RBM19: variants seen among roughly 807,000 people sequenced by gnomAD.
RBM19 encodes the protein probable RNA-binding protein 19.
In RBM19, 94 loss-of-function variants were observed where a neutral mutation model predicts 116.8. The observed-to-expected ratio is 0.80, with a 90% CI of 0.68 to 0.95. The LOEUF (loss-of-function observed/expected upper bound fraction) is 0.95. Among genes scored for constraint, RBM19 ranks in the 40% least tolerant of loss-of-function variants. The probability of loss-of-function intolerance (pLI) is 0.00; values close to 1 mark genes in which losing one functional copy is unlikely to be tolerated. For missense variants in RBM19, 1,161 were observed against 1,220.7 expected (o/e 0.95, Z 0.73); for synonymous variants, 475 against 494.1 (o/e 0.96, Z 0.51).
At chr12:113,936,141 G>T (rs371986369) in intron 16 of RBM19, among the ~76,000 whole-genome samples, 1 of 151,808 alleles carries the variant, frequency 6.6e-6, no homozygotes, top group Non-Finnish European at 1.5e-5. Flanking sequence ...GAACAAAGGA[G>T]AGAGTAGCTG....
chr12:113,855,850 G>C (rs11614425), intron 22 of RBM19, among the ~76,000 whole-genome samples: 19,937 of 152,244 alleles, frequency 0.13, 1,293 homozygotes, highest in African/African-American at 0.14. Flanking sequence ...ATGCAGTGTG[G>C]ACGATTCTAC....
At chr12:113,849,449 C>G (rs1565973499) in intron 22 of RBM19, among the ~76,000 whole-genome samples, 1 of 152,252 alleles carries the variant, frequency 6.6e-6, no homozygotes, top group Non-Finnish European at 1.5e-5. Flanking sequence ...CTTCAAACCC[C>G]TGCACTTTAT....
intron 16 of RBM19, among the ~76,000 whole-genome samples, chr12:113,936,634 G>A (rs1184558257): frequency 6.6e-6 from 1 of 152,150 alleles, no homozygotes; most frequent in African/African-American, 2.4e-5. Context: ...GACATCAGAG[G>A]GCACTGCCAC....
At chr12:113,939,569 G>A (rs1870364528) in intron 15 of RBM19, among the ~76,000 whole-genome samples, 1 of 151,730 alleles carries the variant, frequency 6.6e-6, no homozygotes, top group South Asian at 2.1e-4. Flanking sequence ...TGAACACGGT[G>A]AAACCCCGTC....
intron 23 of RBM19, among the ~76,000 whole-genome samples, chr12:113,833,066 A>G (rs1339145151): frequency 6.6e-6 from 1 of 152,152 alleles, no homozygotes; most frequent in Non-Finnish European, 1.5e-5. Flanking sequence ...CTCCCAACTC[A>G]TAGATCTATC....
At position 113,959,288 on chromosome 12, in the gene RBM19, C is replaced by T. The variant is rs747440039; in HGVS notation, c.495G>A (p.Pro165=). 11 of 1,613,858 alleles carry T rather than the reference C, an allele frequency of 6.8e-6. No homozygotes were observed. Among genetic ancestry groups the T allele is most frequent in the Admixed American group, 5.0e-5 (3 of 60,004 alleles). Residue 165 remains proline (P), a synonymous_variant, in exon 5 of 24, where the codon CCG becomes CCA. Transcript: ENST00000261741. ...AGTCGAAGTTCAGGTAGTCACTGGC[C>T]GGCTTGCTCTTCCCTTTCGAGGGCT... is the stretch of plus-strand genomic sequence containing the variant. The part of the protein sequence containing the change: ...DAEPSKGKSK[P]ASDYLNFDSD...
chr12:113,875,748 A>G (rs1385495762), intron 21 of RBM19, among the ~76,000 whole-genome samples: 2 of 152,210 alleles, frequency 1.3e-5, no homozygotes, highest in Non-Finnish European at 2.9e-5. Context: ...TTATCTCACA[A>G]GTGCGTTAAA....
intron 23 of RBM19, among the ~76,000 whole-genome samples, chr12:113,833,805 G>A (rs150451016): frequency 3.3e-5 from 5 of 152,290 alleles, no homozygotes; most frequent in East Asian, 1.9e-4. Flanking sequence ...GTGCAGTGGC[G>A]TAATCATGGC....
At chr12:113,939,371 C>A (rs1403113594) in intron 15 of RBM19, among the ~76,000 whole-genome samples, 2 of 152,006 alleles carry the variant, frequency 1.3e-5, no homozygotes, top group African/African-American at 4.8e-5. Context: ...AAATGCTAAT[C>A]CAAATTAACA....
At chr12:113,854,596 G>A (rs868119405) in intron 22 of RBM19, among the ~76,000 whole-genome samples, 2 of 152,146 alleles carry the variant, frequency 1.3e-5, no homozygotes, top group Admixed American at 6.6e-5. Flanking sequence ...TTTACTGCCC[G>A]GGACATCAGG....
chr12:113,830,594 C>G (rs1229503456), intron 23 of RBM19, among the ~76,000 whole-genome samples: 50 of 43,576 alleles, frequency 1.1e-3, no homozygotes, highest in African/African-American at 1.3e-3. Context: ...GGGGGGTGGG[C>G]TATGCCTGGG....
At chr12:113,948,659 G>A (rs1188223573) in intron 10 of RBM19, among the ~76,000 whole-genome samples, 174 bp downstream of exon 10, 1 of 152,208 alleles carries the variant, frequency 6.6e-6, no homozygotes, top group Non-Finnish European at 1.5e-5. Flanking sequence ...CATTCATCAT[G>A]TCACTGAATC....
In RBM19 at chr12:113,924,721, T is replaced by C. The variant is rs774633695; in HGVS notation, c.2281A>G (p.Ile761Val). The change falls in exon 18 of 24, where the codon ATC (isoleucine) becomes GTC (valine). Residue 761 changes from isoleucine to valine, a missense_variant. Ile to Val is a conservative substitution (Grantham distance 29, BLOSUM62 3). Coordinates refer to ENST00000261741, the MANE Select transcript of RBM19 (RefSeq NM_016196.4). ...SKVGTVKSCS[I>V]SKKKNKAGVL... The stretch of plus-strand genomic sequence containing the variant: ...CCTGCTTTGTTCTTCTTCTTGGAGA[T>C]GGAGCAGCTCTTCACTGTCCCCACT... 3 of 1,552,238 alleles carry C rather than the reference T, an allele frequency of 1.9e-6. No homozygotes were observed. The highest frequency in any genetic ancestry group is 1.8e-6 in the Non-Finnish European group (2 of 1,123,952).
chr12:113,962,143 G>C (rs1382881091), intron 2 of RBM19, 89 bp downstream of exon 2: 3 of 1,458,832 alleles, frequency 2.1e-6, no homozygotes, highest in East Asian at 2.3e-5. Flanking sequence ...AAAGTGAAGA[G>C]GGACGGTCTT....
chr12:113,913,799 A>T (rs1485416662), intron 21 of RBM19, among the ~76,000 whole-genome samples: 1 of 152,220 alleles, frequency 6.6e-6, no homozygotes, highest in Non-Finnish European at 1.5e-5. Context: ...AGTGTCTAGA[A>T]TCCTAAATGT....
At chr12:113,845,054 C>T (rs1456827166) in intron 22 of RBM19, among the ~76,000 whole-genome samples, 2 of 152,274 alleles carry the variant, frequency 1.3e-5, no homozygotes, top group East Asian at 1.9e-4. Context: ...CTGAGGCAGC[C>T]GTCTATTTGC....
At chr12:113,937,447 T>C (rs1482688544) in intron 15 of RBM19, among the ~76,000 whole-genome samples, 3 of 152,114 alleles carry the variant, frequency 2.0e-5, no homozygotes, top group Non-Finnish European at 2.9e-5. Flanking sequence ...TTTCATACTT[T>C]AGATGGGAGT....
rs571478375 is a variant in RBM19, at chr12:113,944,675, G to C, written c.1626+1153C>G. 5.4e-5 allele frequency among the ~76,000 whole-genome samples: 8 copies of C among 147,226 alleles called. No individual in the cohort carries two copies. In the East Asian group the frequency reaches 1.6e-3, roughly 29 times the overall value. Reference sequence around the variant, plus strand: ...TTAGGCATGATGGCATGCATCTGTAGTCCTAGCCACTCGGGAGGTGAGGTG... The same window carrying C: ...TTAGGCATGATGGCATGCATCTGTACTCCTAGCCACTCGGGAGGTGAGGTG... On this transcript the variant is annotated intron_variant, in intron 13 of 23. Coordinates refer to ENST00000261741, the MANE Select transcript of RBM19 (RefSeq NM_016196.4).
intron 23 of RBM19, among the ~76,000 whole-genome samples, chr12:113,841,427 T>C (rs373178364): frequency 2.8e-4 from 41 of 145,336 alleles, no homozygotes; most frequent in South Asian, 6.6e-4. Flanking sequence ...CTTTTCTTTT[T>C]TTTTTTTTTT....
Sources: gnomAD v4.1 joint callset for allele counts (sites outside exome capture counted in the v4.1 genomes callset) on GRCh38, gnomAD v4.1.1 for gene constraint, MANE v1.5 for transcripts, NCBI Gene and HGNC (gene_info 2026-07-23, HGNC 2026-07-21) for gene names.